The following DIP2C variants were observed in gnomAD, a reference collection of about 807,000 sequenced individuals.
DIP2C encodes disco-interacting protein 2 homolog C.
A neutral mutation model predicts 192.4 loss-of-function variants in DIP2C; 33 were observed. That is an observed-to-expected ratio of 0.17 (90% CI 0.13 to 0.23). DIP2C has a LOEUF of 0.23. Among genes scored for constraint, DIP2C ranks in the 10% least tolerant of loss-of-function variants. DIP2C has a pLI of 1.00. For missense variants in DIP2C, 1,537 were observed against 2,110.1 expected (o/e 0.73, Z 5.32); for synonymous variants, 979 against 864.1 (o/e 1.13, Z -2.33).
chr10:670,083 CACAT>C (rs1302481280), intron 1 of DIP2C, among the ~76,000 whole-genome samples: 3 of 152,178 alleles, frequency 2.0e-5, no homozygotes, highest in Non-Finnish European at 4.4e-5. Context: ...TGTGCACACA[CACAT>C]GCATACACAC....
intron 1 of DIP2C, among the ~76,000 whole-genome samples, chr10:635,600 G>T (rs1334881119): frequency 6.6e-6 from 1 of 152,252 alleles, no homozygotes; most frequent in Non-Finnish European, 1.5e-5. Context: ...CAGCTGCGGG[G>T]AAGCAGCTGG....
chr10:468,548 G>A (rs1430614378), intron 3 of DIP2C, among the ~76,000 whole-genome samples: 1 of 152,170 alleles, frequency 6.6e-6, no homozygotes, highest in East Asian at 1.9e-4. Flanking sequence ...ATCACTTGAG[G>A]TCGGGAGTTC....
At chr10:424,673 T>C (rs1466734912) in intron 4 of DIP2C, among the ~76,000 whole-genome samples, 3 of 152,170 alleles carry the variant, frequency 2.0e-5, no homozygotes, top group Admixed American at 2.0e-4. Context: ...CCACTCTGCC[T>C]TTTAAGAAAA....
intron 29 of DIP2C, among the ~76,000 whole-genome samples, chr10:329,933 G>A (rs987820294): frequency 2.0e-5 from 3 of 151,984 alleles, no homozygotes; most frequent in African/African-American, 7.3e-5. Flanking sequence ...GAAAACACAG[G>A]GATCAAATTT....
At chr10:453,000 A>C (rs1422122248) in intron 3 of DIP2C, among the ~76,000 whole-genome samples, 4 of 152,224 alleles carry the variant, frequency 2.6e-5, no homozygotes, top group African/African-American at 9.6e-5. Flanking sequence ...ATGAGCTGAG[A>C]ACAAAGACGT....
intron 1 of DIP2C, among the ~76,000 whole-genome samples, chr10:499,236 C>T (rs1483163869): frequency 6.6e-6 from 1 of 152,168 alleles, no homozygotes; most frequent in Non-Finnish European, 1.5e-5. Flanking sequence ...AGGTTTCCCA[C>T]ATGTGGTGCT....
At chr10:581,459 GGT>G (rs933457746) in intron 1 of DIP2C, among the ~76,000 whole-genome samples, 2 of 151,736 alleles carry the variant, frequency 1.3e-5, no homozygotes, top group African/African-American at 4.8e-5. Flanking sequence ...TGTACTTAGA[GGT>G]TTTTTTTAAA....
chr10:563,575 G>A (rs1344515862), intron 1 of DIP2C, among the ~76,000 whole-genome samples: 1 of 152,030 alleles, frequency 6.6e-6, no homozygotes, highest in African/African-American at 2.4e-5. Context: ...AAAATCAGAA[G>A]GCTTAAAATA....
intron 31 of DIP2C, among the ~76,000 whole-genome samples, chr10:323,688 A>C (rs754168724): frequency 4.6e-5 from 7 of 152,232 alleles, no homozygotes; most frequent in Non-Finnish European, 8.8e-5. Context: ...GTTATTTATA[A>C]GCTAAAGTGT....
intron 9 of DIP2C, among the ~76,000 whole-genome samples, chr10:399,463 A>G (rs1455800362): frequency 6.6e-6 from 1 of 152,246 alleles, no homozygotes; most frequent in Non-Finnish European, 1.5e-5. Flanking sequence ...TATTTTCTGC[A>G]TACTACCTTC....
chr10:483,348 G>C (rs947006534), intron 2 of DIP2C, among the ~76,000 whole-genome samples: 5 of 152,234 alleles, frequency 3.3e-5, no homozygotes, highest in Non-Finnish European at 7.3e-5. Flanking sequence ...ACGTCCCATG[G>C]GGCCAACCAA....
At chr10:390,907 C>A in intron 10 of DIP2C, 44 bp from the exon 11 acceptor site, 1 of 1,606,484 alleles carries the variant, frequency 6.2e-7, no homozygotes, top group Non-Finnish European at 8.5e-7. Flanking sequence ...CGACCTGCCC[C>A]ACTCCGCCCA....
At chr10:283,681 T>C (rs753485697) in intron 34 of DIP2C, among the ~76,000 whole-genome samples, 2 of 152,178 alleles carry the variant, frequency 1.3e-5, no homozygotes, top group African/African-American at 2.4e-5. Context: ...GGCATCCCTA[T>C]GGGGAACTGA....
intron 1 of DIP2C, among the ~76,000 whole-genome samples, chr10:593,536 G>A (rs1041360996): frequency 9.0e-4 from 110 of 122,644 alleles, no homozygotes; most frequent in African/African-American, 3.2e-3. Flanking sequence ...TCATCTCCTC[G>A]TGGAAGGCTG....
intron 1 of DIP2C, among the ~76,000 whole-genome samples, chr10:533,645 C>A (rs1255350955): frequency 7.3e-6 from 1 of 136,426 alleles, no homozygotes; most frequent in Non-Finnish European, 1.5e-5. Context: ...AACAGAGATA[C>A]CTACCAAAAA....
Position 689,627 on chromosome 10 carries a change from G to A in DIP2C, c.-49C>T. ...ACGGCCTCCTCTTTGTTCGCAGGCG[G>A]AGGTCTCGGCGGCTCCTCGCGCCCG... On this transcript the variant is annotated 5_prime_UTR_variant, in exon 1 of 37. Transcript: ENST00000280886. The surrounding 1 kb of genome is among the most constrained non-coding windows in gnomAD (Gnocchi z 6.1). 6.5e-6 allele frequency: 7 copies of A among 1,075,794 alleles called. No individual in the cohort carries two copies. The highest frequency in any genetic ancestry group is 7.9e-6 in the Non-Finnish European group (7 of 886,666). The allele number at this position is 1,075,794 out of a possible 1,614,324, so 66.6% of individuals were successfully genotyped here.
At chr10:577,744 A>G (rs1850258833) in intron 1 of DIP2C, among the ~76,000 whole-genome samples, 1 of 152,208 alleles carries the variant, frequency 6.6e-6, no homozygotes, top group African/African-American at 2.4e-5. Flanking sequence ...CCTGGGAGAA[A>G]TGTAAGGCAA....
intron 1 of DIP2C, among the ~76,000 whole-genome samples, chr10:622,728 C>T (rs1384761282): frequency 6.6e-6 from 1 of 152,158 alleles, no homozygotes. Flanking sequence ...ACGTCAAACT[C>T]ACGTTCTTCA....
chr10:343,184 G>A (rs1479589851), intron 28 of DIP2C, among the ~76,000 whole-genome samples: 2 of 152,244 alleles, frequency 1.3e-5, no homozygotes, highest in African/African-American at 2.4e-5. Context: ...AGCTACTCAG[G>A]AGGCTGAGGC....
Sources: gnomAD v4.1 joint callset for allele counts (sites outside exome capture counted in the v4.1 genomes callset) on GRCh38, gnomAD v4.1.1 for gene constraint, Gnocchi (gnomAD v3.1) non-coding constraint, MANE v1.5 for transcripts, NCBI Gene and HGNC (gene_info 2026-07-23, HGNC 2026-07-21) for gene names.